Variants in ARAP2 observed in about 807,000 individuals in gnomAD.
The protein encoded by ARAP2 is ArfGAP with RhoGAP domain, ankyrin repeat and PH domain 2, also known as arf-GAP with Rho-GAP domain, ANK repeat and PH domain-containing protein 2.
A neutral mutation model predicts 194.5 loss-of-function variants in ARAP2; 148 were observed. That is an observed-to-expected ratio of 0.76 (90% CI 0.67 to 0.87). The LOEUF (loss-of-function observed/expected upper bound fraction) is 0.87. Among genes scored for constraint, ARAP2 ranks in the 40% least tolerant of loss-of-function variants. The pLI is 0.00. For synonymous variants in ARAP2, 695 were observed against 683.5 expected, an observed-to-expected ratio of 1.02 and a Z score of -0.26; for missense variants, 2,128 against 1,989.7, an observed-to-expected ratio of 1.07 and a Z score of -1.32.
intron 27 of ARAP2, among the ~76,000 whole-genome samples, chr4:36,096,691 T>C (rs925843662): frequency 1.3e-5 from 2 of 152,166 alleles, no homozygotes; most frequent in African/African-American, 4.8e-5. Context: ...TACTAATAGA[T>C]TCTTTTTAGG....
intron 19 of ARAP2, among the ~76,000 whole-genome samples, chr4:36,134,363 C>G (rs1383492893): frequency 7.1e-6 from 1 of 140,386 alleles, no homozygotes; most frequent in African/African-American, 2.6e-5. Flanking sequence ...GTAGATCAGT[C>G]TCTTTACCCA....
Position 36,133,409 on chromosome 4 carries a change from T to C in ARAP2, c.3264-20A>G, listed in dbSNP as rs772635226. The C allele has an allele frequency of 1.9e-6, 3 of 1,591,178 alleles. No individual in the cohort carries two copies. Among genetic ancestry groups the C allele is most frequent in the Admixed American group, 1.8e-5 (1 of 56,012 alleles). ...AATGTTCTGTAAAGTTTAAAAAGCA[T>C]TTCAAATTATAATTTTGCTCTTTAA... is the stretch of plus-strand genomic sequence containing the variant. On this transcript the variant is annotated intron_variant, in intron 19 of 32. Transcript: ENST00000303965.
intron 5 of ARAP2, among the ~76,000 whole-genome samples, chr4:36,041,233 T>C (rs1720817919): frequency 6.6e-6 from 1 of 152,082 alleles, no homozygotes; most frequent in African/African-American, 2.4e-5. Flanking sequence ...ACAGAATGAA[T>C]AGACAACCTA....
At chr4:36,166,160 C>T (rs112613916) in intron 10 of ARAP2, among the ~76,000 whole-genome samples, 39 of 152,124 alleles carry the variant, frequency 2.6e-4, no homozygotes, top group African/African-American at 9.2e-4. Context: ...AAATGAGTAA[C>T]TACAATTGAC....
chr4:36,037,022 C>T (rs1720043583), intron 5 of ARAP2, among the ~76,000 whole-genome samples: 1 of 152,130 alleles, frequency 6.6e-6, no homozygotes, highest in Admixed American at 6.6e-5. Flanking sequence ...CTCTTCTTTT[C>T]TCTGGGCTAA....
At chr4:36,084,200 T>C (rs1730282048) in intron 28 of ARAP2, among the ~76,000 whole-genome samples, 1 of 152,080 alleles carries the variant, frequency 6.6e-6, no homozygotes. Flanking sequence ...CTTGTGACTG[T>C]AGGAGTCAAT....
chr4:36,226,909 C>A (rs1035965118), intron 2 of ARAP2, among the ~76,000 whole-genome samples: 5 of 152,188 alleles, frequency 3.3e-5, no homozygotes, highest in Non-Finnish European at 2.9e-5. Flanking sequence ...ACATAGTAAA[C>A]CCTTCTGGCA....
chr4:36,126,248 T>A (rs1448429739), intron 21 of ARAP2, among the ~76,000 whole-genome samples: 1 of 152,026 alleles, frequency 6.6e-6, no homozygotes, highest in Non-Finnish European at 1.5e-5. Flanking sequence ...TTATCCAGTT[T>A]CTAACTGTAG....
At chr4:36,116,651 C>A (rs1476002489) in intron 25 of ARAP2, among the ~76,000 whole-genome samples, 1 of 151,798 alleles carries the variant, frequency 6.6e-6, no homozygotes, top group African/African-American at 2.4e-5. Context: ...ACATGCTGAG[C>A]AATGTGCTAA....
At chr4:36,125,318 A>T (rs1175880590) in intron 21 of ARAP2, among the ~76,000 whole-genome samples, 1 of 152,012 alleles carries the variant, frequency 6.6e-6, no homozygotes, top group Non-Finnish European at 1.5e-5. Flanking sequence ...CTCAAACTGG[A>T]GTACAAACTG....
rs1243079669 is a variant in ARAP2 at position 36,229,204 on chromosome 4, C to T, written c.283G>A (p.Val95Ile). The T allele has an allele frequency of 5.0e-6, 8 of 1,613,974 alleles. No individual in the cohort carries two copies. The highest frequency in any genetic ancestry group is 4.0e-5 in the African/African-American group (3 of 74,924). The change falls in exon 2 of 33, where the codon GTT becomes ATT. Residue 95 changes from valine to isoleucine, a missense_variant. Val to Ile is a conservative substitution (Grantham distance 29). Coordinates refer to ENST00000303965, the MANE Select transcript of ARAP2 (RefSeq NM_015230.4). ...KNDDPSKDYH[V>I]PSSDQNICIE... ...CAGATATTCTGATCAGAAGATGGAA[C>T]ATGGTAATCCTTTGAAGGGTCATCA...
At chr4:36,032,236 C>A (rs977116003) in intron 5 of ARAP2, among the ~76,000 whole-genome samples, 1 of 151,966 alleles carries the variant, frequency 6.6e-6, no homozygotes, top group Non-Finnish European at 1.5e-5. Flanking sequence ...AACATAGACA[C>A]CAAAGGTAGG....
intron 24 of ARAP2, 41 bp downstream of exon 24, chr4:36,119,609 G>C: frequency 2.1e-6 from 3 of 1,410,562 alleles, no homozygotes; most frequent in Non-Finnish European, 2.0e-6. Flanking sequence ...GGAAGTTTTT[G>C]TTTTGTTTAA....
rs1363610933 is a variant in ARAP2, at chr4:36,078,201, G to A, written c.4608+2015C>T. ...TTCTTTTCATGGAGTTTACATTTTA[G>A]TAAGAGAGGCAGACATGAAATAGCT... is the stretch of plus-strand genomic sequence containing the variant. On this transcript the variant is annotated intron_variant, in intron 31 of 32. Coordinates refer to ENST00000303965, the MANE Select transcript of ARAP2 (RefSeq NM_015230.4). 2.6e-5 allele frequency among the ~76,000 whole-genome samples: 4 copies of A among 152,122 alleles called. No individual in the cohort carries two copies. The East Asian group carries it at 5.8e-4, about 22-fold the overall frequency.
chr4:36,144,931 A>G (rs759491619), intron 19 of ARAP2, among the ~76,000 whole-genome samples: 2 of 150,122 alleles, frequency 1.3e-5, no homozygotes, highest in Non-Finnish European at 3.0e-5. Flanking sequence ...TGAATAGTAA[A>G]TATGTTTTCC....
At chr4:36,129,504 C>T (rs1010319277) in intron 20 of ARAP2, among the ~76,000 whole-genome samples, 2 of 151,778 alleles carry the variant, frequency 1.3e-5, no homozygotes, top group Admixed American at 6.6e-5. Context: ...AGATGCTTTT[C>T]GGTTTTTATC....
Position 36,228,632 on chromosome 4 carries a change from T to A in ARAP2, c.855A>T (p.Arg285Ser). The A allele has an allele frequency of 6.2e-7, 1 of 1,613,972 alleles. No individual in the cohort carries two copies. The highest frequency in any genetic ancestry group is 8.5e-7 in the Non-Finnish European group (1 of 1,179,926). ...CTGGAATCTCTGGTACAGGTCGATG[T>A]CTTAGCAGAAAAGATCGAGATGGTC... Reference protein sequence around the residue: ...VSRPSRSFLLRHRPVPEIPGS... With the variant: ...VSRPSRSFLLSHRPVPEIPGS... Residue 285 changes from arginine (R) to serine (S), a missense_variant, in exon 2 of 33, where the codon AGA becomes AGT. Arg to Ser is a moderately radical substitution (Grantham distance 110). Transcript: ENST00000303965.
rs182711257 is a variant in ARAP2, at chr4:36,240,631, T to C, written c.-160+3548A>G. Among the ~76,000 whole-genome samples, 233 of 152,308 alleles carry C rather than the reference T, an allele frequency of 1.5e-3. 1 individual carries two copies. The highest frequency in any genetic ancestry group is 5.1e-3 in the African/African-American group (214 of 41,556). The stretch of plus-strand genomic sequence containing the variant: ...ATTTTGAGGATGAAATGAGCGCATA[T>C]GCATTAAAATCTTAGAACAGTGCCT... On this transcript the variant is annotated intron_variant, in intron 1 of 32. Coordinates refer to ENST00000303965, the MANE Select transcript of ARAP2 (RefSeq NM_015230.4).
intron 26 of ARAP2, among the ~76,000 whole-genome samples, chr4:36,108,596 T>G (rs138292001): frequency 2.6e-5 from 4 of 152,098 alleles, no homozygotes; most frequent in Non-Finnish European, 4.4e-5. Context: ...CTTCAATATA[T>G]CTCTCTGAAG....
Sources: allele counts gnomAD v4.1 joint callset (sites outside exome capture counted in the v4.1 genomes callset), GRCh38; gene constraint gnomAD v4.1.1; transcripts MANE v1.5; gene names NCBI Gene and HGNC (gene_info 2026-07-23, HGNC 2026-07-21).